Variants in LRMDA observed in about 807,000 individuals in gnomAD.
LRMDA encodes the protein leucine rich melanocyte differentiation associated.
LRMDA carries 18 observed loss-of-function variants against 29.8 expected under a neutral mutation model. The ratio of observed to expected loss-of-function variants is 0.60; its 90% CI spans 0.42 to 0.90. The LOEUF (loss-of-function observed/expected upper bound fraction) is 0.90. Ranked by LOEUF, LRMDA falls within the 40% of genes least tolerant of loss-of-function variation. LRMDA has a pLI of 0.00. For synonymous variants in LRMDA, 125 were observed against 109.4 expected, an observed-to-expected ratio of 1.14 and a Z score of -0.89; for missense variants, 273 against 273.9, an observed-to-expected ratio of 1.00 and a Z score of 0.02.
chr10:76,510,280 A>G (rs1842997229), intron 6 of LRMDA, among the ~76,000 whole-genome samples: 1 of 152,176 alleles, frequency 6.6e-6, no homozygotes, highest in African/African-American at 2.4e-5. Context: ...CAAGTTAGCC[A>G]GGCTGTTCTC....
At chr10:75,650,797 C>G (rs1049833064) in intron 2 of LRMDA, among the ~76,000 whole-genome samples, 2 of 152,102 alleles carry the variant, frequency 1.3e-5, no homozygotes, top group African/African-American at 4.8e-5. Context: ...CTCAGATGAC[C>G]CTTCTTCCTG....
intron 6 of LRMDA, among the ~76,000 whole-genome samples, chr10:76,383,609 T>TCACC (rs1841622620): frequency 6.7e-6 from 1 of 149,524 alleles, no homozygotes; most frequent in Non-Finnish European, 1.5e-5. Context: ...TTTTTGTATT[T>TCACC]TTAGTAGAGA....
chr10:75,871,386 T>C (rs1483347299), intron 2 of LRMDA, among the ~76,000 whole-genome samples: 2 of 152,146 alleles, frequency 1.3e-5, no homozygotes, highest in East Asian at 1.9e-4. Context: ...AGCCAGTGCC[T>C]CCATCAGGGG....
chr10:75,978,808 CACAGATCTCCT>C (rs1280861041), intron 2 of LRMDA, among the ~76,000 whole-genome samples: 1 of 152,152 alleles, frequency 6.6e-6, no homozygotes, highest in Non-Finnish European at 1.5e-5. Flanking sequence ...CCCAGGATTT[CACAGATCTCCT>C]ACAGTGTGAT....
chr10:75,960,394 GAA>G (rs59592692), intron 2 of LRMDA, among the ~76,000 whole-genome samples: 51,308 of 152,006 alleles, frequency 0.34, 9,878 homozygotes, highest in Non-Finnish European at 0.44. Flanking sequence ...CTGCAGGAAA[GAA>G]AAGAGCTTAG....
intron 5 of LRMDA, among the ~76,000 whole-genome samples, chr10:76,323,836 A>G (rs370717097): frequency 2.0e-5 from 3 of 152,294 alleles, no homozygotes; most frequent in African/African-American, 7.2e-5. Context: ...CCCAAATCCA[A>G]ATTTCAGACG....
In LRMDA at chr10:75,532,415, G is replaced by T. The variant is rs148150489; in HGVS notation, c.131+93921G>T. On this transcript the variant is annotated intron_variant, in intron 2 of 6. Transcript: ENST00000611255. ...TTCTGAGTCCCCAGATGTAATTTTT[G>T]GGCCTGGGTGTTAACACATTGAAGG... Among the ~76,000 whole-genome samples the T allele has an allele frequency of 5.9e-5, 9 of 152,202 alleles. No individual in the cohort carries two copies. The East Asian group carries it at 1.7e-3, about 29-fold the overall frequency.
intron 2 of LRMDA, among the ~76,000 whole-genome samples, chr10:75,990,606 A>G (rs1416498842): frequency 2.0e-5 from 3 of 152,230 alleles, no homozygotes; most frequent in Non-Finnish European, 4.4e-5. Flanking sequence ...TAAATTTGGA[A>G]GGCTCTGGAT....
At chr10:76,376,102 A>G (rs1353903173) in intron 6 of LRMDA, among the ~76,000 whole-genome samples, 1 of 152,110 alleles carries the variant, frequency 6.6e-6, no homozygotes, top group Non-Finnish European at 1.5e-5. Context: ...ACACCCAAAT[A>G]GTGTATATCA....
At chr10:75,762,759 G>C (rs1303508915) in intron 2 of LRMDA, among the ~76,000 whole-genome samples, 1 of 152,198 alleles carries the variant, frequency 6.6e-6, no homozygotes, top group Non-Finnish European at 1.5e-5. Flanking sequence ...TGGCCTCATA[G>C]TAAGCCCTCG....
intron 2 of LRMDA, among the ~76,000 whole-genome samples, chr10:75,663,315 A>G (rs761735911): frequency 1.3e-5 from 2 of 152,132 alleles, no homozygotes; most frequent in Non-Finnish European, 2.9e-5. Flanking sequence ...CTGGCCTGTG[A>G]GACTTTCCTA....
chr10:75,533,864 G>T (rs1246136976), intron 2 of LRMDA, among the ~76,000 whole-genome samples: 1 of 152,134 alleles, frequency 6.6e-6, no homozygotes, highest in Non-Finnish European at 1.5e-5. Flanking sequence ...ACGTTTGGAG[G>T]GGACTTTGTC....
chr10:76,163,683 C>G (rs1850687552), intron 5 of LRMDA, among the ~76,000 whole-genome samples: 1 of 152,032 alleles, frequency 6.6e-6, no homozygotes, highest in Non-Finnish European at 1.5e-5. Flanking sequence ...AACTTTACTG[C>G]TAATAGCTTT....
intron 5 of LRMDA, among the ~76,000 whole-genome samples, chr10:76,230,940 A>ATT (rs1852047590): frequency 6.6e-6 from 1 of 152,230 alleles, no homozygotes; most frequent in South Asian, 2.1e-4. Context: ...TCTTTATAAA[A>ATT]TTACAGCTAG....
chr10:75,912,951 G>A (rs1475959038), intron 2 of LRMDA, among the ~76,000 whole-genome samples: 2 of 152,060 alleles, frequency 1.3e-5, no homozygotes, highest in Non-Finnish European at 2.9e-5. Context: ...ATGAATAGAC[G>A]GTAGTTAAGA....
At chr10:75,531,339 G>C (rs1011872513) in intron 2 of LRMDA, among the ~76,000 whole-genome samples, 4 of 152,204 alleles carry the variant, frequency 2.6e-5, no homozygotes, top group African/African-American at 9.7e-5. Flanking sequence ...CCAAAAAAGA[G>C]GGAAGGACAG....
In LRMDA at chr10:75,511,362, T is replaced by C. The variant is rs576423951; in HGVS notation, c.131+72868T>C. ...AAAAACAACAAAAAACCAAAGAGAA[T>C]ATTGGAGGAGTGGGGAAACCAGGAT... On this transcript the variant is annotated intron_variant, in intron 2 of 6. Transcript: ENST00000611255. Among the ~76,000 whole-genome samples the C allele has an allele frequency of 6.6e-5, 10 of 151,920 alleles. 1 individual carries two copies. The South Asian group carries it at 2.1e-3, about 32-fold the overall frequency.
chr10:76,349,818 G>T (rs1487646339), intron 6 of LRMDA, among the ~76,000 whole-genome samples: 1 of 151,982 alleles, frequency 6.6e-6, no homozygotes, highest in African/African-American at 2.4e-5. Context: ...GAATATATAT[G>T]CCAATCCTAA....
chr10:75,974,729 A>G (rs868272131), intron 2 of LRMDA, among the ~76,000 whole-genome samples: 1 of 152,208 alleles, frequency 6.6e-6, no homozygotes, highest in African/African-American at 2.4e-5. Context: ...CAGAGATTCA[A>G]AAGGAAGGAT....
Sources: allele counts gnomAD v4.1 joint callset (sites outside exome capture counted in the v4.1 genomes callset), GRCh38; gene constraint gnomAD v4.1.1; transcripts MANE v1.5; gene names NCBI Gene and HGNC (gene_info 2026-07-23, HGNC 2026-07-21).